LBR: variants seen among roughly 807,000 people sequenced by gnomAD.
LBR encodes lamin B receptor.
A neutral mutation model predicts 74.3 loss-of-function variants in LBR; 28 were observed. The ratio of observed to expected loss-of-function variants is 0.38; its 90% confidence interval spans 0.28 to 0.52. The LOEUF (loss-of-function observed/expected upper bound fraction) is 0.52. Ranked by LOEUF, LBR falls within the 20% of genes least tolerant of loss-of-function variation. LBR has a pLI of 0.89. For missense variants in LBR, 717 were observed against 760.3 expected (o/e 0.94, Z 0.67); for synonymous variants, 228 against 269.3 (o/e 0.85, Z 1.50).
At chr1:225,410,782 T>C (rs2096103435) in intron 9 of LBR, among the ~76,000 whole-genome samples, 1 of 152,198 alleles carries the variant, frequency 6.6e-6, no homozygotes, top group African/African-American at 2.4e-5. Flanking sequence ...TAAGAAGGAA[T>C]AACAACTAAA....
At chr1:225,420,799 T>G (rs1171625079) in intron 3 of LBR, among the ~76,000 whole-genome samples, 1 of 151,356 alleles carries the variant, frequency 6.6e-6, no homozygotes, top group East Asian at 1.9e-4. Flanking sequence ...AAAAAAATTA[T>G]AATACTCAGA....
intron 10 of LBR, 72 bp downstream of exon 10, chr1:225,410,219 C>A: frequency 6.2e-7 from 1 of 1,605,358 alleles, no homozygotes; most frequent in Non-Finnish European, 8.5e-7. Context: ...TGCAAGAAGC[C>A]GAGGCTCTGA....
intron 10 of LBR, among the ~76,000 whole-genome samples, chr1:225,409,892 A>C (rs941576808): frequency 6.6e-6 from 1 of 152,216 alleles, no homozygotes; most frequent in African/African-American, 2.4e-5. Flanking sequence ...AAACATTAAC[A>C]ATAAAACATC....
intron 9 of LBR, among the ~76,000 whole-genome samples, chr1:225,411,085 T>G (rs1178220767): frequency 2.6e-5 from 4 of 152,204 alleles, no homozygotes; most frequent in African/African-American, 9.7e-5. Flanking sequence ...ACTATCACTT[T>G]CCTACATAAA....
At chr1:225,403,756 A>C (rs2096085810) in intron 13 of LBR, among the ~76,000 whole-genome samples, 2 of 152,190 alleles carry the variant, frequency 1.3e-5, no homozygotes, top group Admixed American at 1.3e-4. Flanking sequence ...TTCTTCCCCC[A>C]GCAAAGAAGA....
At chr1:225,423,521 C>G (rs765321152) in intron 2 of LBR, among the ~76,000 whole-genome samples, 1 of 151,960 alleles carries the variant, frequency 6.6e-6, no homozygotes, top group Non-Finnish European at 1.5e-5. Flanking sequence ...TCTGCAGAAA[C>G]AGCCCCATCA....
intron 8 of LBR, among the ~76,000 whole-genome samples, chr1:225,411,848 G>A (rs2096106430): frequency 1.3e-5 from 2 of 152,166 alleles, no homozygotes; most frequent in Admixed American, 6.5e-5. Context: ...CTCGCTCTGT[G>A]GCCCAGGCTA....
intron 6 of LBR, among the ~76,000 whole-genome samples, chr1:225,415,990 T>A (rs1276817033): frequency 1.3e-5 from 2 of 151,838 alleles, no homozygotes; most frequent in African/African-American, 4.8e-5. Flanking sequence ...ATCACTTGAG[T>A]CCAGGAGTTG....
At chr1:225,418,336 AC>A (rs1305915828) in intron 5 of LBR, among the ~76,000 whole-genome samples, 156 bp from the exon 6 acceptor site, 1 of 152,020 alleles carries the variant, frequency 6.6e-6, no homozygotes, top group Non-Finnish European at 1.5e-5. Context: ...TCTACCTGTC[AC>A]CTCTGGTGGC....
At position 225,402,423 on chromosome 1, in the gene LBR, C is replaced by T. The variant is rs867272119; in HGVS notation, c.*880G>A. ...ATTTGCAACAGTTTATAAAGGCAAA[C>T]AAACACCTGCAATTGAGGTAGCAAA... On this transcript the variant is annotated 3_prime_UTR_variant, in exon 14 of 14. Coordinates refer to ENST00000272163, the MANE Select transcript of LBR (RefSeq NM_002296.4). 2 of 152,278 alleles carry T rather than the reference C, an allele frequency of 1.3e-5. No individual in the cohort carries two copies. The highest frequency in any genetic ancestry group is 2.9e-5 in the Non-Finnish European group (2 of 67,976). 9.4% of individuals were successfully genotyped at this position (152,278 alleles called of 1,614,324 possible). A position where few individuals can be genotyped will look rare whatever the true frequency, so the allele number is the denominator to read the frequency against.
intron 10 of LBR, among the ~76,000 whole-genome samples, chr1:225,409,334 A>T (rs954216975): frequency 6.6e-6 from 1 of 152,230 alleles, no homozygotes; most frequent in Admixed American, 6.5e-5. Context: ...GAGATCATCG[A>T]AACACCAATA....
chr1:225,415,318 C>T lies in LBR; in HGVS notation c.852G>A (p.Thr284=), dbSNP rs769559891. The T allele has an allele frequency of 1.0e-5, 16 of 1,593,670 alleles. No homozygotes were observed. The highest frequency in any genetic ancestry group is 2.2e-5 in the East Asian group (1 of 44,680). ...LLPIGKVVEG[T]PLIDGRRLKY... ...TGAGTCTTCTTCCATCAATAAGAGG[C>T]GTTCCTTCTACAACCTTAAAAGAAA... Residue 284 remains threonine (T), a synonymous_variant, in exon 7 of 14, where the codon ACG becomes ACA. Transcript: ENST00000272163.
intron 13 of LBR, 70 bp from the exon 14 acceptor site, chr1:225,403,533 C>A (rs904362100): frequency 9.4e-6 from 12 of 1,276,942 alleles, no homozygotes; most frequent in East Asian, 2.4e-5. Flanking sequence ...TCCTGCTTTC[C>A]CCCAAATTCT....
rs181455562 is a variant in LBR, at chr1:225,412,201, T to C, written c.1084+253A>G. On this transcript the variant is annotated intron_variant, in intron 8 of 13. Transcript: ENST00000272163. ...TCATAAGTCAAAATGCCTGTAAGTT[T>C]ACTAAACGTCTTACTGTCATCAAGC... Among the ~76,000 whole-genome samples, 168 of 152,324 alleles carry C rather than the reference T, an allele frequency of 1.1e-3. 1 individual carries two copies. Among genetic ancestry groups the C allele is most frequent in the African/African-American group, 3.6e-3 (151 of 41,566 alleles).
chr1:225,415,005 G>A (rs2096114354), intron 7 of LBR, among the ~76,000 whole-genome samples: 1 of 152,184 alleles, frequency 6.6e-6, no homozygotes, highest in Admixed American at 6.5e-5. Context: ...CACCTCAGGT[G>A]ATAAAATCCT....
chr1:225,423,979 T>C lies in LBR; in HGVS notation c.97A>G (p.Thr33Ala), dbSNP rs200756121. 1.3e-4 allele frequency: 212 copies of C among 1,613,814 alleles called. 1 individual carries two copies. The highest frequency in any genetic ancestry group is 2.5e-5 in the Non-Finnish European group (29 of 1,179,804). ...YEVEILSHDS[T>A]SQLYTVKYKD... ...TACTTCACAGTGTAAAGCTGGGAGG[T>C]GCTGTCGTGGCTCAGAATTTCTACT... Residue 33 changes from threonine (T) to alanine (A), a missense_variant, in exon 2 of 14, where the codon ACC (threonine) becomes GCC (alanine). Transcript: ENST00000272163.
chr1:225,420,617 T>C (rs551971007), intron 3 of LBR, among the ~76,000 whole-genome samples: 2 of 152,116 alleles, frequency 1.3e-5, no homozygotes, highest in Non-Finnish European at 2.9e-5. Flanking sequence ...TGTAAAAATA[T>C]AGCAGTCACT....
intron 2 of LBR, chr1:225,422,511 T>G (rs2096129659): frequency 3.7e-6 from 2 of 545,782 alleles, no homozygotes; most frequent in African/African-American, 3.8e-5. Flanking sequence ...TGAAGGTATT[T>G]CCATGAAACG....
At chr1:225,424,609 T>C (rs2096135664) in intron 1 of LBR, among the ~76,000 whole-genome samples, 1 of 152,206 alleles carries the variant, frequency 6.6e-6, no homozygotes, top group Admixed American at 6.5e-5. Flanking sequence ...TGGGGGTTAT[T>C]TAGCTTTCAA....
Sources: allele counts gnomAD v4.1 joint callset (sites outside exome capture counted in the v4.1 genomes callset), GRCh38; gene constraint gnomAD v4.1.1; transcripts MANE v1.5; gene names NCBI Gene and HGNC (gene_info 2026-07-23, HGNC 2026-07-21).